CAMTA1: variants seen among roughly 807,000 people sequenced by gnomAD.
CAMTA1 encodes calmodulin binding transcription activator 1.
A neutral mutation model predicts 170.9 loss-of-function variants in CAMTA1; 27 were observed. The observed-to-expected ratio is 0.16, with a 90% CI of 0.12 to 0.22. The LOEUF (loss-of-function observed/expected upper bound fraction) is 0.22, where lower values mean the gene tolerates loss of function less well. Ranked by LOEUF, CAMTA1 falls within the 10% of genes least tolerant of loss-of-function variation. CAMTA1 has a pLI of 1.00. For missense variants in CAMTA1, 1,619 were observed against 2,217.2 expected (o/e 0.73, Z 5.42); for synonymous variants, 833 against 891.5 (o/e 0.93, Z 1.17).
At chr1:7,198,510 C>G (rs1386897779) in intron 4 of CAMTA1, among the ~76,000 whole-genome samples, 1 of 152,098 alleles carries the variant, frequency 6.6e-6, no homozygotes, top group African/African-American at 2.4e-5. Context: ...CCTTCCATGT[C>G]TCAGCAGCCC....
At position 7,580,287 on chromosome 1, in the gene CAMTA1, C is replaced by T. The variant is rs749749894; in HGVS notation, c.511-60113C>T. Among the ~76,000 whole-genome samples the T allele has an allele frequency of 3.3e-5, 5 of 151,962 alleles. No individual in the cohort carries two copies. Among genetic ancestry groups the T allele is most frequent in the Admixed American group, 6.5e-5 (1 of 15,274 alleles). On this transcript the variant is annotated intron_variant, in intron 6 of 22. Transcript: ENST00000303635. This position sits in a 1 kb window ranked among gnomAD's most constrained non-coding sequence, Gnocchi z 4.3. ...CCTGGGGGGTTGTCCACATCTGGAC[C>T]GTGGGAGCTGTTGGGGGGAATGGGG...
intron 11 of CAMTA1, among the ~76,000 whole-genome samples, chr1:7,712,364 A>G (rs115524683): frequency 0.018 from 2,747 of 151,962 alleles, 70 homozygotes; most frequent in African/African-American, 0.061. Context: ...TCTGATGCCC[A>G]GGCCGAAGTG....
chr1:7,742,715 A>T (rs1253971813), intron 16 of CAMTA1, among the ~76,000 whole-genome samples: 1 of 152,214 alleles, frequency 6.6e-6, no homozygotes, highest in Non-Finnish European at 1.5e-5. Flanking sequence ...AGGCTTCAGA[A>T]ATTCCACCTT....
chr1:7,406,812 C>T (rs147160349), intron 5 of CAMTA1, among the ~76,000 whole-genome samples: 226 of 152,298 alleles, frequency 1.5e-3, no homozygotes, highest in African/African-American at 5.1e-3. Context: ...CCACAGCCCC[C>T]CTCCCGACAA....
intron 3 of CAMTA1, among the ~76,000 whole-genome samples, chr1:6,894,704 C>T (rs561328554): frequency 7.9e-5 from 12 of 152,322 alleles, no homozygotes; most frequent in Admixed American, 2.0e-4. Context: ...TAAATCCACA[C>T]AAACAGTTTG....
At chr1:7,180,904 A>G (rs1652015168) in intron 4 of CAMTA1, among the ~76,000 whole-genome samples, 2 of 152,240 alleles carry the variant, frequency 1.3e-5, no homozygotes, top group Non-Finnish European at 2.9e-5. Context: ...CTTGAAAGTA[A>G]GTACTACATT....
At chr1:7,480,509 C>T (rs2149623384) in intron 6 of CAMTA1, among the ~76,000 whole-genome samples, 1 of 152,172 alleles carries the variant, frequency 6.6e-6, no homozygotes, top group Middle Eastern at 3.4e-3. Context: ...CTCCTCCAGG[C>T]CCCGATGAGG....
intron 5 of CAMTA1, among the ~76,000 whole-genome samples, chr1:7,423,197 G>A (rs978524593): frequency 4.7e-4 from 71 of 152,278 alleles, no homozygotes; most frequent in South Asian, 4.1e-4. Context: ...AGGGCCAGGC[G>A]TGGTGGCTCA....
intron 5 of CAMTA1, among the ~76,000 whole-genome samples, chr1:7,312,095 C>T (rs1676813125): frequency 6.6e-6 from 1 of 152,116 alleles, no homozygotes; most frequent in African/African-American, 2.4e-5. Flanking sequence ...TGTACAGATG[C>T]CATGACTGCA....
rs369688953 is a variant in CAMTA1 at position 7,677,551 on chromosome 1, G to A, written c.2780-48G>A. 1.8e-5 allele frequency: 29 copies of A among 1,591,548 alleles called. No individual in the cohort carries two copies. The East Asian group carries it at 5.8e-4, about 32-fold the overall frequency. On this transcript the variant is annotated intron_variant, in intron 10 of 22. Transcript: ENST00000303635. ...CAGGCCCTGTGTGGTTCACCAGGCT[G>A]TAGGTACCCACCCATCCCTTGACCT...
intron 20 of CAMTA1, 56 bp from the exon 21 acceptor site, chr1:7,752,403 T>C: frequency 6.7e-7 from 1 of 1,488,402 alleles, no homozygotes; most frequent in Admixed American, 1.7e-5. Context: ...TGACCAGTTT[T>C]CCATATTGGG....
chr1:6,989,760 G>T (rs1326783954), intron 3 of CAMTA1, among the ~76,000 whole-genome samples: 2 of 152,234 alleles, frequency 1.3e-5, no homozygotes, highest in African/African-American at 4.8e-5. Context: ...TCTGACTCTA[G>T]GAGGTCACAT....
Position 6,820,259 on chromosome 1 carries a change from T to C in CAMTA1, c.115+9T>C. 1.2e-6 allele frequency: 2 copies of C among 1,613,990 alleles called. No homozygotes were observed. On this transcript the variant is annotated intron_variant, in intron 2 of 22. Coordinates refer to ENST00000303635, the MANE Select transcript of CAMTA1 (RefSeq NM_015215.4). ...CGTGCCACCTATAGAAGGTAGGATT[T>C]GAAAAAGCTTTTGACTTACAGGAAG...
intron 3 of CAMTA1, among the ~76,000 whole-genome samples, chr1:6,998,586 C>T (rs955949775): frequency 6.6e-6 from 1 of 152,232 alleles, no homozygotes; most frequent in Non-Finnish European, 1.5e-5. Flanking sequence ...ACTCCCCATG[C>T]ACTTTGCCTT....
At chr1:7,546,570 A>G (rs1336269819) in intron 6 of CAMTA1, among the ~76,000 whole-genome samples, 1 of 152,200 alleles carries the variant, frequency 6.6e-6, no homozygotes, top group East Asian at 1.9e-4. Flanking sequence ...ATCTTTGAAG[A>G]ATTGCCCCAC....
At chr1:7,326,394 C>T (rs1265304149) in intron 5 of CAMTA1, among the ~76,000 whole-genome samples, 1 of 152,148 alleles carries the variant, frequency 6.6e-6, no homozygotes, top group East Asian at 1.9e-4. Flanking sequence ...AATTCTGTCC[C>T]CCTCAAAAGA....
intron 3 of CAMTA1, among the ~76,000 whole-genome samples, chr1:6,895,866 A>G (rs1675542480): frequency 1.3e-5 from 2 of 151,916 alleles, no homozygotes; most frequent in African/African-American, 4.8e-5. Context: ...AGCATTTATT[A>G]CTGTCTGAAA....
At position 7,293,398 on chromosome 1, in the gene CAMTA1, A is replaced by T. The variant is rs1673444331; in HGVS notation, c.438+43772A>T. Reference sequence around the variant, plus strand: ...TTTCTCTGGCACTCGGTGTGAGCAAAGCCCATTTGGTCGTTTGTCAGTGAA... The same window carrying T: ...TTTCTCTGGCACTCGGTGTGAGCAATGCCCATTTGGTCGTTTGTCAGTGAA... On this transcript the variant is annotated intron_variant, in intron 5 of 22. Coordinates refer to ENST00000303635, the MANE Select transcript of CAMTA1 (RefSeq NM_015215.4). This position sits in a 1 kb window ranked among gnomAD's most constrained non-coding sequence, Gnocchi z 4.1. Among the ~76,000 whole-genome samples, 1 of 152,148 alleles carries T rather than the reference A, an allele frequency of 6.6e-6. No individual in the cohort carries two copies. Among genetic ancestry groups the T allele is most frequent in the Non-Finnish European group, 1.5e-5 (1 of 68,030 alleles).
At chr1:7,434,300 T>C (rs1038781052) in intron 5 of CAMTA1, among the ~76,000 whole-genome samples, 21 of 152,262 alleles carry the variant, frequency 1.4e-4, no homozygotes, top group Admixed American at 1.2e-3. Flanking sequence ...ACGGGGAGCA[T>C]GGCAGTAAGG....
Sources: gnomAD v4.1 joint callset for allele counts (sites outside exome capture counted in the v4.1 genomes callset) on GRCh38, gnomAD v4.1.1 for gene constraint, Gnocchi (gnomAD v3.1) non-coding constraint, MANE v1.5 for transcripts, NCBI Gene and HGNC (gene_info 2026-07-23, HGNC 2026-07-21) for gene names.